CWH43: variants seen among roughly 807,000 people sequenced by gnomAD.
CWH43 encodes cell wall biogenesis 43 C-terminal homolog.
CWH43 carries 91 observed loss-of-function variants against 85.7 expected under a neutral mutation model. That is an observed-to-expected ratio of 1.06 (90% confidence interval 0.90 to 1.26). The LOEUF is 1.26. Among genes scored for constraint, CWH43 ranks in the 50% most tolerant of loss-of-function variants. CWH43 has a pLI of 0.00. For missense variants in CWH43, 869 were observed against 839.2 expected, an observed-to-expected ratio of 1.04 and a Z score of -0.44; for synonymous variants, 323 against 293.6, an observed-to-expected ratio of 1.10 and a Z score of -1.02.
At chr4:49,020,198 A>G (rs1783696058) in intron 9 of CWH43, among the ~76,000 whole-genome samples, 2 of 151,946 alleles carry the variant, frequency 1.3e-5, no homozygotes, top group Non-Finnish European at 2.9e-5. Context: ...TGAGTCTCCA[A>G]AGTTCATTGT....
intron 6 of CWH43, among the ~76,000 whole-genome samples, chr4:49,000,912 G>A (rs1782969342): frequency 1.3e-5 from 2 of 152,150 alleles, no homozygotes; most frequent in African/African-American, 2.4e-5. Flanking sequence ...TAATTCACCA[G>A]CTTCATCTTC....
At position 48,992,151 on chromosome 4, in the gene CWH43, C is replaced by A; in HGVS notation, c.511+61C>A. ...GCTTACCTTTCCTATGTGAATGTTGCACATCTTGGAAAGAAAATCTATAAA... is the reference window on the plus strand; with the variant it reads ...GCTTACCTTTCCTATGTGAATGTTGAACATCTTGGAAAGAAAATCTATAAA... On this transcript the variant is annotated intron_variant, in intron 4 of 15. Transcript: ENST00000226432. The surrounding 1 kb of genome is among the most constrained non-coding windows in gnomAD (Gnocchi z 4.3). 7.3e-7 allele frequency: 1 copy of A among 1,361,598 alleles called. No homozygotes were observed. The highest frequency in any genetic ancestry group is 1.0e-6 in the Non-Finnish European group (1 of 978,054). 84.3% of individuals were successfully genotyped at this position (1,361,598 alleles called of 1,614,324 possible). A position where few individuals can be genotyped will look rare whatever the true frequency, so the allele number is the denominator to read the frequency against.
chr4:49,038,090 T>C lies in CWH43; in HGVS notation c.1713T>C (p.Ser571=), dbSNP rs900413480. The C allele has an allele frequency of 1.2e-6, 2 of 1,613,022 alleles. No homozygotes were observed. Among genetic ancestry groups the C allele is most frequent in the Non-Finnish European group, 1.7e-6 (2 of 1,179,558 alleles). The change falls in exon 13 of 16, where the codon AGT becomes AGC. Residue 571 remains serine, a synonymous_variant. Coordinates refer to ENST00000226432, the MANE Select transcript of CWH43 (RefSeq NM_025087.3). ...QAIAVSKLLK[S]SSNQVIFLGY... ...TTGCTGTTTCAAAACTACTGAAAAG[T>C]AGCTCTAATCAAGTGATATTTCTGG...
intron 6 of CWH43, among the ~76,000 whole-genome samples, chr4:49,002,901 G>GCC (rs1159338600): frequency 6.6e-6 from 1 of 152,116 alleles, no homozygotes; most frequent in Non-Finnish European, 1.5e-5. Flanking sequence ...CCGAAGTAGT[G>GCC]AAGAGCCTGC....
Position 48,995,095 on chromosome 4 carries a change from C to T in CWH43, c.713+275C>T, listed in dbSNP as rs1442965932. 3.3e-5 allele frequency among the ~76,000 whole-genome samples: 5 copies of T among 152,212 alleles called. No individual in the cohort carries two copies. In the East Asian group the frequency reaches 9.6e-4, roughly 29 times the overall value. On this transcript the variant is annotated intron_variant, in intron 5 of 15. Transcript: ENST00000226432. Reference sequence around the variant, plus strand: ...GTTCCCAGAGCTCCAGCATAGGCATCTCGAGGAATGCCTGCACAGAAGAGC... The same window carrying T: ...GTTCCCAGAGCTCCAGCATAGGCATTTCGAGGAATGCCTGCACAGAAGAGC...
intron 15 of CWH43, among the ~76,000 whole-genome samples, chr4:49,055,944 T>C (rs1302511159): frequency 6.7e-6 from 1 of 149,908 alleles, no homozygotes; most frequent in Non-Finnish European, 1.5e-5. Flanking sequence ...CTCTAAGTTT[T>C]AGGGTACATG....
chr4:49,017,260 C>A lies in CWH43; in HGVS notation c.1198C>A (p.Leu400Ile). 1.2e-5 allele frequency: 20 copies of A among 1,610,586 alleles called. No individual in the cohort carries two copies. Among genetic ancestry groups the A allele is most frequent in the Non-Finnish European group, 1.7e-5 (20 of 1,178,164 alleles). Residue 400 changes from leucine to isoleucine, a missense_variant, in exon 9 of 16, where the codon CTT becomes ATT. Physicochemically the swap from Leu to Ile is conservative, Grantham distance 5. Coordinates refer to ENST00000226432, the MANE Select transcript of CWH43 (RefSeq NM_025087.3). ...TTTTTTCTGTTTAGTTCTGTGGCTG[C>A]TTGTTGGTGTGGGATTGTTGGGATT... ...EKYMKLFLWLLVGVGLLGLGL... is the reference protein window; with the variant it reads ...EKYMKLFLWLIVGVGLLGLGL...
chr4:49,044,930 T>C, intron 14 of CWH43, 83 bp downstream of exon 14: 6 of 1,049,736 alleles, frequency 5.7e-6, no homozygotes, highest in Non-Finnish European at 7.1e-6. Flanking sequence ...AAGAACTTTA[T>C]GGAAGCAATT....
chr4:48,998,589 G>T, intron 6 of CWH43, 41 bp downstream of exon 6: 10 of 1,435,204 alleles, frequency 7.0e-6, no homozygotes, highest in Non-Finnish European at 8.8e-6. Flanking sequence ...GACTGAGCTT[G>T]GTTATCCAGT....
chr4:49,011,589 A>G (rs1783361346), intron 8 of CWH43, among the ~76,000 whole-genome samples: 1 of 152,074 alleles, frequency 6.6e-6, no homozygotes, highest in South Asian at 2.1e-4. Context: ...ATGTTTTTGC[A>G]TGGTACTGGT....
chr4:49,056,405 T>C (rs1455806659), intron 15 of CWH43, among the ~76,000 whole-genome samples: 1 of 152,176 alleles, frequency 6.6e-6, no homozygotes, highest in African/African-American at 2.4e-5. Flanking sequence ...TGGTAGATTG[T>C]TACTATGAAC....
At chr4:49,035,083 G>GGGAGTGGGAATATAATAGGAAAAAA (rs1784225646) in intron 12 of CWH43, among the ~76,000 whole-genome samples, 1 of 152,128 alleles carries the variant, frequency 6.6e-6, no homozygotes, top group African/African-American at 2.4e-5. Flanking sequence ...CCCAACAAGC[G>GGGAGTGGGAATATAATAGGAAAAAA]ACATAGGAAA....
At chr4:49,019,270 TG>T (rs1427593241) in intron 9 of CWH43, among the ~76,000 whole-genome samples, 1 of 152,114 alleles carries the variant, frequency 6.6e-6, no homozygotes, top group Non-Finnish European at 1.5e-5. Flanking sequence ...TAACTGGGTA[TG>T]GGGGATTAGA....
chr4:49,024,130 T>C (rs574900896), intron 9 of CWH43, among the ~76,000 whole-genome samples: 2 of 152,336 alleles, frequency 1.3e-5, no homozygotes, highest in East Asian at 3.9e-4. Context: ...GCTGTTGTTT[T>C]AAAGTTTGTT....
At chr4:49,007,167 G>C (rs373362250) in intron 7 of CWH43, 34 bp from the exon 8 acceptor site, 3 of 1,592,088 alleles carry the variant, frequency 1.9e-6, no homozygotes, top group Non-Finnish European at 2.6e-6. Context: ...TTTTGGATCA[G>C]ACTATAACAT....
At chr4:49,047,138 T>C (rs1210129634) in intron 14 of CWH43, among the ~76,000 whole-genome samples, 1 of 152,244 alleles carries the variant, frequency 6.6e-6, no homozygotes, top group East Asian at 1.9e-4. Flanking sequence ...CCTACATTTA[T>C]GAGAGAAAAT....
chr4:49,007,351 A>G, intron 8 of CWH43, 25 bp downstream of exon 8: 1 of 1,517,592 alleles, frequency 6.6e-7, no homozygotes, highest in East Asian at 2.5e-5. Flanking sequence ...ACATTCTTAA[A>G]AAAAATTAAT....
rs1785177798 is a variant in CWH43 at position 49,062,019 on chromosome 4, A to T, written c.*129A>T. 1.6e-6 allele frequency: 1 copy of T among 612,852 alleles called. No homozygotes were observed. The highest frequency in any genetic ancestry group is 2.3e-6 in the Non-Finnish European group (1 of 433,542). The allele number at this position is 612,852 out of a possible 1,614,324, so 38.0% of individuals were successfully genotyped here. A position where few individuals can be genotyped will look rare whatever the true frequency, so the allele number is the denominator to read the frequency against. On this transcript the variant is annotated 3_prime_UTR_variant, in exon 16 of 16. Transcript: ENST00000226432. ...TCAACTTAAAAAACACATGGTATCT[A>T]TGCAGTGGGAAATTACCTCCATTTG...
At chr4:49,041,176 A>G (rs1339821989) in intron 13 of CWH43, among the ~76,000 whole-genome samples, 5 of 152,178 alleles carry the variant, frequency 3.3e-5, no homozygotes, top group African/African-American at 1.2e-4. Context: ...GTCAGGTAGC[A>G]TGATGCTTCC....
Sources: gnomAD v4.1 joint callset for allele counts (sites outside exome capture counted in the v4.1 genomes callset) on GRCh38, gnomAD v4.1.1 for gene constraint, Gnocchi (gnomAD v3.1) non-coding constraint, MANE v1.5 for transcripts, NCBI Gene and HGNC (gene_info 2026-07-23, HGNC 2026-07-21) for gene names.